PXDNL: variants seen among roughly 807,000 people sequenced by gnomAD.
The protein encoded by PXDNL is peroxidasin like, also known as probable oxidoreductase PXDNL.
PXDNL carries 145 observed loss-of-function variants against 150.8 expected under a neutral mutation model. That is an observed-to-expected ratio of 0.96 (90% CI 0.84 to 1.10). The LOEUF (loss-of-function observed/expected upper bound fraction) is 1.10. PXDNL is among the 50% of genes least tolerant of loss of function. The pLI, the probability that PXDNL is intolerant of heterozygous loss-of-function variation, is 0.00. For synonymous variants in PXDNL, 757 were observed against 725.7 expected (o/e 1.04, Z -0.69); for missense variants, 2,087 against 1,873.9 (o/e 1.11, Z -2.10).
chr8:51,679,972 T>C (rs774338328), intron 1 of PXDNL, among the ~76,000 whole-genome samples: 1 of 152,232 alleles, frequency 6.6e-6, no homozygotes, highest in Non-Finnish European at 1.5e-5. Context: ...TTTTAAGTTA[T>C]TCCCTGAAAC....
At position 51,411,335 on chromosome 8, in the gene PXDNL, T is replaced by C; in HGVS notation, c.1977A>G (p.Ala659=). 3 of 1,591,298 alleles carry C rather than the reference T, an allele frequency of 1.9e-6. No homozygotes were observed. The highest frequency in any genetic ancestry group is 2.3e-5 in the South Asian group (2 of 86,880). The change falls in exon 16 of 23, where the codon GCA becomes GCG. Residue 659 remains alanine (A), a synonymous_variant. Transcript: ENST00000356297. ...YPRDPLIVEM[A]RAGEIFEHTL... is the part of the protein sequence containing the mutation. ...TGTGCTCAAAAATCTCCCCTGCTCT[T>C]GCCATTTCCACAATCAGTGGGTCAC...
chr8:51,779,487 T>C (rs1418182467), intron 1 of PXDNL, among the ~76,000 whole-genome samples: 2 of 152,158 alleles, frequency 1.3e-5, no homozygotes, highest in East Asian at 1.9e-4. Flanking sequence ...AGTACAGTCA[T>C]GCAGGGCACA....
intron 1 of PXDNL, among the ~76,000 whole-genome samples, chr8:51,768,831 T>C (rs901766996): frequency 1.2e-4 from 18 of 152,152 alleles, no homozygotes; most frequent in African/African-American, 3.4e-4. Context: ...CATGGTGGCT[T>C]ACGCCTGTAA....
intron 2 of PXDNL, among the ~76,000 whole-genome samples, chr8:51,604,810 T>G (rs1278822070): frequency 1.3e-5 from 2 of 152,202 alleles, no homozygotes; most frequent in African/African-American, 2.4e-5. Context: ...CACATGCAAC[T>G]GCTATTGTGT....
chr8:51,725,294 G>A (rs940518489), intron 1 of PXDNL, among the ~76,000 whole-genome samples: 1 of 152,190 alleles, frequency 6.6e-6, no homozygotes, highest in African/African-American at 2.4e-5. Flanking sequence ...ATTTGCCACA[G>A]TGGGTGGGCA....
chr8:51,541,957 C>T (rs963338780), intron 4 of PXDNL, among the ~76,000 whole-genome samples: 1 of 152,040 alleles, frequency 6.6e-6, no homozygotes, highest in African/African-American at 2.4e-5. Context: ...AAAGCAGAAA[C>T]TTGTCTCTGT....
intron 12 of PXDNL, among the ~76,000 whole-genome samples, chr8:51,443,138 C>T (rs1389176946): frequency 1.3e-5 from 2 of 152,092 alleles, no homozygotes; most frequent in Admixed American, 6.6e-5. Context: ...ATTTCTCTCT[C>T]TTTTGACATA....
chr8:51,648,706 A>T (rs1814974327), intron 2 of PXDNL, among the ~76,000 whole-genome samples: 1 of 152,162 alleles, frequency 6.6e-6, no homozygotes. Context: ...TTGTTTAATC[A>T]TTACATTAAT....
At chr8:51,377,351 AG>A (rs1807356044) in intron 17 of PXDNL, among the ~76,000 whole-genome samples, 1 of 151,990 alleles carries the variant, frequency 6.6e-6, no homozygotes, top group Non-Finnish European at 1.5e-5. Context: ...GCGTGCTGGC[AG>A]CCCTGGCAGC....
At chr8:51,584,849 T>A (rs995914805) in intron 3 of PXDNL, among the ~76,000 whole-genome samples, 5 of 152,180 alleles carry the variant, frequency 3.3e-5, no homozygotes, top group African/African-American at 1.2e-4. Context: ...GTCTTTTTTT[T>A]AGAAAAGATG....
At chr8:51,603,651 C>T (rs957156969) in intron 2 of PXDNL, among the ~76,000 whole-genome samples, 1 of 151,974 alleles carries the variant, frequency 6.6e-6, no homozygotes, top group Non-Finnish European at 1.5e-5. Context: ...CCTGTAATGA[C>T]CATGATTTTT....
intron 18 of PXDNL, among the ~76,000 whole-genome samples, chr8:51,372,444 G>C (rs1479944143): frequency 6.6e-6 from 1 of 152,140 alleles, no homozygotes; most frequent in African/African-American, 2.4e-5. Flanking sequence ...GAGTGCAGTG[G>C]CATGATCTCA....
intron 1 of PXDNL, among the ~76,000 whole-genome samples, chr8:51,746,953 G>T (rs925427708): frequency 2.0e-5 from 3 of 151,862 alleles, no homozygotes; most frequent in African/African-American, 7.3e-5. Context: ...GAACTCCTGG[G>T]CTCAAGGGAC....
rs1810498599 is a variant in PXDNL at position 51,477,183 on chromosome 8, AC to A, written c.525-2043del. Among the ~76,000 whole-genome samples, 5 of 152,360 alleles carry A rather than the reference AC, an allele frequency of 3.3e-5. No individual in the cohort carries two copies. The South Asian group carries it at 1.0e-3, about 32-fold the overall frequency. Reference sequence around the variant, plus strand: ...CAGTTTTGTAAAATGTTTTGTAGATACCCAATTCATAAGACTAATTTTTATA... The same window carrying A: ...CAGTTTTGTAAAATGTTTTGTAGATACCAATTCATAAGACTAATTTTTATA... On this transcript the variant is annotated intron_variant, in intron 6 of 22. Transcript: ENST00000356297.
At chr8:51,472,159 A>G in intron 8 of PXDNL, 28 bp downstream of exon 8, 1 of 1,437,084 alleles carries the variant, frequency 7.0e-7, no homozygotes, top group Non-Finnish European at 9.8e-7. Flanking sequence ...AAGGAGAATC[A>G]CAACCCATGT....
chr8:51,320,678 A>G, intron 22 of PXDNL, 106 bp downstream of exon 22: 2 of 800,400 alleles, frequency 2.5e-6, no homozygotes, highest in Non-Finnish European at 4.1e-6. Flanking sequence ...CCTAGAATCT[A>G]TTGACATAAA....
chr8:51,664,538 C>T (rs558445656), intron 1 of PXDNL, among the ~76,000 whole-genome samples: 2 of 152,114 alleles, frequency 1.3e-5, no homozygotes, highest in Admixed American at 6.5e-5. Flanking sequence ...CCCATTTGCA[C>T]GTGAGCCAAT....
At chr8:51,728,340 C>T (rs542997951) in intron 1 of PXDNL, among the ~76,000 whole-genome samples, 9 of 152,244 alleles carry the variant, frequency 5.9e-5, no homozygotes, top group Admixed American at 1.3e-4. Context: ...TTTAGTTACT[C>T]CTTCTGCTTA....
At chr8:51,610,373 A>C (rs1488630633) in intron 2 of PXDNL, among the ~76,000 whole-genome samples, 1 of 152,202 alleles carries the variant, frequency 6.6e-6, no homozygotes, top group Non-Finnish European at 1.5e-5. Flanking sequence ...ATAATAGTAT[A>C]TAAATATTAG....
Sources: gnomAD v4.1 joint callset for allele counts (sites outside exome capture counted in the v4.1 genomes callset) on GRCh38, gnomAD v4.1.1 for gene constraint, MANE v1.5 for transcripts, NCBI Gene and HGNC (gene_info 2026-07-23, HGNC 2026-07-21) for gene names.